ALS2: variants seen among roughly 807,000 people sequenced by gnomAD.
ALS2 encodes alsin Rho guanine nucleotide exchange factor ALS2, also known as alsin.
A neutral mutation model predicts 203.4 loss-of-function variants in ALS2; 117 were observed. The observed-to-expected ratio is 0.58, with a 90% CI of 0.50 to 0.67. The LOEUF (loss-of-function observed/expected upper bound fraction) is 0.67, where lower values mean the gene tolerates loss of function less well. Ranked by LOEUF, ALS2 falls within the 30% of genes least tolerant of loss-of-function variation. ALS2 has a pLI of 0.00. For missense variants in ALS2, 1,715 were observed against 1,989.4 expected, an observed-to-expected ratio of 0.86 and a Z score of 2.62; for synonymous variants, 718 against 725.9, an observed-to-expected ratio of 0.99 and a Z score of 0.17.
chr2:201,714,729 T>G (rs1690255580), intron 25 of ALS2, among the ~76,000 whole-genome samples: 1 of 152,252 alleles, frequency 6.6e-6, no homozygotes, highest in East Asian at 1.9e-4. Flanking sequence ...GGGTTTGTTC[T>G]GTGAGTGTAC....
chr2:201,768,083 A>C (rs776914790), intron 2 of ALS2, among the ~76,000 whole-genome samples: 2 of 152,212 alleles, frequency 1.3e-5, no homozygotes, highest in African/African-American at 4.8e-5. Context: ...TTTTATAGTA[A>C]GTAAAAAGTA....
At chr2:201,727,354 G>A in intron 16 of ALS2, 76 bp from the exon 17 acceptor site, 2 of 1,226,788 alleles carry the variant, frequency 1.6e-6, no homozygotes, top group Non-Finnish European at 2.4e-6. Context: ...AATATGAAAA[G>A]CAACCTCTTT....
intron 3 of ALS2, chr2:201,763,325 A>C: frequency 5.4e-6 from 1 of 186,162 alleles, no homozygotes; most frequent in Non-Finnish European, 1.1e-5. Flanking sequence ...CCTAGTGCCC[A>C]AGAAGCTGCT....
intron 23 of ALS2, among the ~76,000 whole-genome samples, chr2:201,721,011 C>T (rs1020669785): frequency 6.6e-6 from 1 of 151,876 alleles, no homozygotes; most frequent in African/African-American, 2.4e-5. Flanking sequence ...GAAACAAGAA[C>T]AAAATACAAA....
intron 13 of ALS2, among the ~76,000 whole-genome samples, chr2:201,731,406 C>T (rs1330498829): frequency 1.3e-5 from 2 of 151,996 alleles, no homozygotes; most frequent in East Asian, 3.9e-4. Flanking sequence ...TTAATTCTAG[C>T]TCTGCCAATT....
At chr2:201,710,790 A>G (rs1689982569) in intron 26 of ALS2, among the ~76,000 whole-genome samples, 1 of 152,206 alleles carries the variant, frequency 6.6e-6, no homozygotes, top group Non-Finnish European at 1.5e-5. Context: ...TGCCTTAAAA[A>G]ACTTTAAAAA....
chr2:201,703,845 C>T (rs1399366907), intron 33 of ALS2, among the ~76,000 whole-genome samples: 1 of 152,082 alleles, frequency 6.6e-6, no homozygotes, highest in African/African-American at 2.4e-5. Flanking sequence ...TTTAGAATTA[C>T]AATTATTTAT....
At chr2:201,712,075 A>G (rs978800293) in intron 25 of ALS2, among the ~76,000 whole-genome samples, 2 of 151,526 alleles carry the variant, frequency 1.3e-5, no homozygotes, top group African/African-American at 4.8e-5. Context: ...TATTTATCCC[A>G]AATATAGAAA....
intron 29 of ALS2, among the ~76,000 whole-genome samples, chr2:201,706,009 G>C (rs1445612393): frequency 6.6e-6 from 1 of 151,936 alleles, no homozygotes; most frequent in Non-Finnish European, 1.5e-5. Context: ...AGATTGGGGA[G>C]GTGGAATCAG....
chr2:201,729,902 A>C (rs1005438518), intron 13 of ALS2, among the ~76,000 whole-genome samples: 2 of 146,850 alleles, frequency 1.4e-5, no homozygotes, highest in African/African-American at 2.5e-5. Context: ...AAAAAAAAAA[A>C]ACAACTTTTT....
rs1692486866 is a variant in ALS2, at chr2:201,744,322, T to G, written c.2106A>C (p.Glu702Asp). Residue 702 changes from glutamate (E) to aspartate (D), a missense_variant, in exon 10 of 34, where the codon GAA (glutamate) becomes GAC (aspartate). Transcript: ENST00000264276. Reference protein sequence around the residue: ...IASLHELATTERRFYSKLSDI... With the variant: ...IASLHELATTDRRFYSKLSDI... ...CACTTAGTTTTGAATAGAATCGTCT[T>G]TCTGTAGTAGCTAACTCGTGGAGAC... 6.2e-7 allele frequency: 1 copy of G among 1,614,012 alleles called. No individual in the cohort carries two copies. Among genetic ancestry groups the G allele is most frequent in the South Asian group, 1.1e-5 (1 of 91,078 alleles).
chr2:201,710,498 T>C (rs1426390955), intron 26 of ALS2, among the ~76,000 whole-genome samples: 2 of 151,610 alleles, frequency 1.3e-5, no homozygotes, highest in Admixed American at 6.6e-5. Context: ...ACAAAAATGA[T>C]AGAAAATGTT....
chr2:201,779,868 T>A (rs1026052039), intron 1 of ALS2: 3 of 152,102 alleles, frequency 2.0e-5, no homozygotes, highest in Non-Finnish European at 2.9e-5. Flanking sequence ...CTGCAAAAAA[T>A]TTTTCACTGC....
rs1190879106 is a variant in ALS2, at chr2:201,767,901, C to T, written c.21-518G>A. On this transcript the variant is annotated intron_variant, in intron 2 of 33. Transcript: ENST00000264276. ...AAAAAAAAAAAGACTGAAGGACACT[C>T]TAAACCCACAAATTACTTTTCTCCA... is the stretch of plus-strand genomic sequence containing the variant. Among the ~76,000 whole-genome samples the T allele has an allele frequency of 2.0e-5, 3 of 148,750 alleles. No individual in the cohort carries two copies. The East Asian group carries it at 6.0e-4, about 30-fold the overall frequency.
At position 201,756,631 on chromosome 2, in the gene ALS2, A is replaced by G. The variant is rs569031743; in HGVS notation, c.1471+771T>C. The stretch of plus-strand genomic sequence containing the variant: ...ATATTGTCTCTGGCTGCTTTTACAT[A>G]ACCACAGCGTAGCTGAGTAGTTGTC... On this transcript the variant is annotated intron_variant, in intron 5 of 33. Transcript: ENST00000264276. Among the ~76,000 whole-genome samples, 41 of 152,384 alleles carry G rather than the reference A, an allele frequency of 2.7e-4. 1 individual carries two copies. Among genetic ancestry groups the G allele is most frequent in the African/African-American group, 9.6e-4 (40 of 41,602 alleles).
chr2:201,735,792 A>G (rs1352906623), intron 12 of ALS2, among the ~76,000 whole-genome samples: 1 of 152,208 alleles, frequency 6.6e-6, no homozygotes, highest in Non-Finnish European at 1.5e-5. Flanking sequence ...AGAATAAGGA[A>G]CCAGGGTCAG....
At chr2:201,755,833 T>C (rs61230317) in intron 5 of ALS2, among the ~76,000 whole-genome samples, 1,544 of 152,302 alleles carry the variant, frequency 0.01, 21 homozygotes, top group African/African-American at 0.035. Context: ...GTGAATAGTG[T>C]TTGATGCCAG....
chr2:201,738,130 T>C (rs1692003716), intron 12 of ALS2, among the ~76,000 whole-genome samples: 1 of 152,098 alleles, frequency 6.6e-6, no homozygotes, highest in African/African-American at 2.4e-5. Flanking sequence ...TGAGACCCTA[T>C]CTCTTCTATT....
At chr2:201,717,639 GAAA>G (rs59265308) in intron 24 of ALS2, among the ~76,000 whole-genome samples, 3 of 115,970 alleles carry the variant, frequency 2.6e-5, no homozygotes, top group South Asian at 2.9e-4. Context: ...TCTTGTTTAA[GAAA>G]AAAAAAAAAA....
Sources: gnomAD v4.1 joint callset for allele counts (sites outside exome capture counted in the v4.1 genomes callset) on GRCh38, gnomAD v4.1.1 for gene constraint, MANE v1.5 for transcripts, NCBI Gene and HGNC (gene_info 2026-07-23, HGNC 2026-07-21) for gene names.